Variants in EGR3 observed in about 807,000 individuals in gnomAD.
EGR3 encodes the protein early growth response 3.
In EGR3, 4 loss-of-function variants were observed where a neutral mutation model predicts 22.4. The ratio of observed to expected loss-of-function variants is 0.18; its 90% confidence interval spans 0.09 to 0.41. The LOEUF (loss-of-function observed/expected upper bound fraction) is 0.41. Ranked by LOEUF, EGR3 falls within the 10% of genes least tolerant of loss-of-function variation. The pLI is 1.00. For missense variants in EGR3, 315 were observed against 541.3 expected (o/e 0.58, Z 4.15); for synonymous variants, 219 against 226.8 (o/e 0.97, Z 0.31).
rs774703272 is a variant in EGR3, at chr8:22,691,225, C to T, written c.412G>A (p.Glu138Lys). 6.2e-7 allele frequency: 1 copy of T among 1,614,002 alleles called. No individual in the cohort carries two copies. ...SMVQPPQGDV[E>K]AMYPALPPYS... ...GGGGGTAGCGCGGGATACATGGCCT[C>T]CACGTCACCCTGCGGTGGCTGCACC... Residue 138 changes from glutamate (E) to lysine (K), a missense_variant, in exon 2 of 2, where the codon GAG becomes AAG. By Grantham distance (56) the Glu-to-Lys change is moderately conservative (BLOSUM62 1). Coordinates refer to ENST00000317216, the MANE Select transcript of EGR3 (RefSeq NM_004430.3).
Position 22,692,246 on chromosome 8 carries a change from CG to C in EGR3, c.154+544del. 1 of 1,476,516 alleles carries C rather than the reference CG, an allele frequency of 6.8e-7. No individual in the cohort carries two copies. 91.5% of individuals were successfully genotyped at this position (1,476,516 alleles called of 1,614,324 possible). ...GGGTGAACCCCCTCCTTCTCCCCGC[CG>C]TCCCCACACCCCCACGGCTTTGCTG... is the stretch of plus-strand genomic sequence containing the variant. On this transcript the variant is annotated intron_variant, in intron 1 of 1. Coordinates refer to ENST00000317216, the MANE Select transcript of EGR3 (RefSeq NM_004430.3). This position sits in a 1 kb window ranked among gnomAD's most constrained non-coding sequence, Gnocchi z 6.2.
chr8:22,692,620 C>A lies in EGR3; in HGVS notation c.154+171G>T, dbSNP rs563377390. The A allele has an allele frequency of 3.9e-5, 56 of 1,440,892 alleles. No homozygotes were observed. In the East Asian group the frequency reaches 1.2e-3, roughly 32 times the overall value. 89.3% of individuals were successfully genotyped at this position (1,440,892 alleles called of 1,614,324 possible). A position where few individuals can be genotyped will look rare whatever the true frequency, so the allele number is the denominator to read the frequency against. On this transcript the variant is annotated intron_variant, in intron 1 of 1. Transcript: ENST00000317216. The surrounding 1 kb of genome is among the most constrained non-coding windows in gnomAD (Gnocchi z 6.2). ...TGGGTGGGAAAAGCAACTCGCCCCC[C>A]GCAAAATTCCCAGCGCGCCCCCATC...
chr8:22,692,440 A>G lies in EGR3; in HGVS notation c.154+351T>C. 5 of 1,423,808 alleles carry G rather than the reference A, an allele frequency of 3.5e-6. No individual in the cohort carries two copies. The highest frequency in any genetic ancestry group is 3.7e-6 in the Non-Finnish European group (4 of 1,093,686). The allele number at this position is 1,423,808 out of a possible 1,614,324, so 88.2% of individuals were successfully genotyped here. A position where few individuals can be genotyped will look rare whatever the true frequency, so the allele number is the denominator to read the frequency against. ...GGCGACAGCACCACGCCTTGCGCGT[A>G]GCCCGGCGATCGGGCCCCCTGCGTG... On this transcript the variant is annotated intron_variant, in intron 1 of 1. Transcript: ENST00000317216. This position sits in a 1 kb window ranked among gnomAD's most constrained non-coding sequence, Gnocchi z 6.2.
At position 22,689,380 on chromosome 8, in the gene EGR3, G is replaced by C. The variant is rs2128744547; in HGVS notation, c.*1093C>G. On this transcript the variant is annotated 3_prime_UTR_variant, in exon 2 of 2. Coordinates refer to ENST00000317216, the MANE Select transcript of EGR3 (RefSeq NM_004430.3). Reference sequence around the variant, plus strand: ...TTGGTGATGACAAAGGGCAAAAGCAGAGCCAGCTTCCCCATGATGGTGGGA... The same window carrying C: ...TTGGTGATGACAAAGGGCAAAAGCACAGCCAGCTTCCCCATGATGGTGGGA... 1 of 152,752 alleles carries C rather than the reference G, an allele frequency of 6.5e-6. No homozygotes were observed. Among genetic ancestry groups the C allele is most frequent in the African/African-American group, 2.4e-5 (1 of 41,556 alleles). 9.5% of individuals were successfully genotyped at this position (152,752 alleles called of 1,614,324 possible).
chr8:22,692,536 C>A lies in EGR3; in HGVS notation c.154+255G>T. The A allele has an allele frequency of 1.4e-6, 2 of 1,426,768 alleles. No individual in the cohort carries two copies. Among genetic ancestry groups the A allele is most frequent in the East Asian group, 2.5e-5 (1 of 39,528 alleles). The allele number at this position is 1,426,768 out of a possible 1,614,324, so 88.4% of individuals were successfully genotyped here. On this transcript the variant is annotated intron_variant, in intron 1 of 1. Transcript: ENST00000317216. The surrounding 1 kb of genome is among the most constrained non-coding windows in gnomAD (Gnocchi z 6.2). The stretch of plus-strand genomic sequence containing the variant: ...GGCGGCTGCCCCCACCCGGGAGAAC[C>A]GAAGCCTCTACCGTGGCGTCGCCAA...
Position 22,688,066 on chromosome 8 carries a change from T to A in EGR3, c.*2407A>T, listed in dbSNP as rs1803823024. Reference sequence around the variant, plus strand: ...TATCATTCCCCATAGGTTTTCCTGTTTAAAACCTGATTTTTTTCTCTCAGT... The same window carrying A: ...TATCATTCCCCATAGGTTTTCCTGTATAAAACCTGATTTTTTTCTCTCAGT... On this transcript the variant is annotated 3_prime_UTR_variant, in exon 2 of 2. Transcript: ENST00000317216. 6.6e-6 allele frequency: 1 copy of A among 152,614 alleles called. No homozygotes were observed. Among genetic ancestry groups the A allele is most frequent in the Admixed American group, 6.5e-5 (1 of 15,278 alleles). 9.5% of individuals were successfully genotyped at this position (152,614 alleles called of 1,614,324 possible).
Position 22,691,297 on chromosome 8 carries a change from G to T in EGR3, c.340C>A (p.Pro114Thr). ...GTGCTGAGCGCCCCTGAAGCCGGGG[G>T]CACCCCCAAGATGCCGGCGCTCATG... ...SLMSAGILGVPPASGALSTQT... is the reference protein window; with the variant it reads ...SLMSAGILGVTPASGALSTQT... The change falls in exon 2 of 2, where the codon CCC (proline) becomes ACC (threonine). Residue 114 changes from proline to threonine, a missense_variant. This residue lies in a region of EGR3 where 227 missense variants were observed against 303.6 expected (regional missense o/e 0.75). Coordinates refer to ENST00000317216, the MANE Select transcript of EGR3 (RefSeq NM_004430.3). 1 of 1,613,998 alleles carries T rather than the reference G, an allele frequency of 6.2e-7. No individual in the cohort carries two copies. The highest frequency in any genetic ancestry group is 1.1e-5 in the South Asian group (1 of 91,082).
chr8:22,692,887 G>C lies in EGR3; in HGVS notation c.58C>G (p.Leu20Val). The C allele has an allele frequency of 6.2e-7, 1 of 1,613,228 alleles. No homozygotes were observed. Among genetic ancestry groups the C allele is most frequent in the Non-Finnish European group, 8.5e-7 (1 of 1,179,858 alleles). Residue 20 changes from leucine (L) to valine (V), a missense_variant, in exon 1 of 2, where the codon CTG becomes GTG. Coordinates refer to ENST00000317216, the MANE Select transcript of EGR3 (RefSeq NM_004430.3). The surrounding 1 kb of genome is among the most constrained non-coding windows in gnomAD (Gnocchi z 6.2). Reference sequence around the variant, plus strand: ...TCCTCGGGGTACAGATTGTCAGGCAGTTGGTTTAGCAAACTGCTCATGGTC... The same window carrying C: ...TCCTCGGGGTACAGATTGTCAGGCACTTGGTTTAGCAAACTGCTCATGGTC... The part of the protein sequence containing the change: ...PVTMSSLLNQ[L>V]PDNLYPEEIP...
At position 22,691,495 on chromosome 8, in the gene EGR3, G is replaced by A. The variant is rs747271342; in HGVS notation, c.155-13C>T. The A allele has an allele frequency of 1.2e-5, 19 of 1,609,924 alleles. No homozygotes were observed. Among genetic ancestry groups the A allele is most frequent in the Non-Finnish European group, 1.5e-5 (18 of 1,178,054 alleles). ...TCCATTACATTCTCTGCGGAGAGCGGGGGAGAGAGGGGAGGGGTGAGTGAA... is the reference window on the plus strand; with the variant it reads ...TCCATTACATTCTCTGCGGAGAGCGAGGGAGAGAGGGGAGGGGTGAGTGAA... On this transcript the variant is annotated splice_polypyrimidine_tract_variant and intron_variant, in intron 1 of 1. Transcript: ENST00000317216.
In EGR3 at chr8:22,693,394, G is replaced by A. The variant is rs1230558757; in HGVS notation, c.-450C>T. On this transcript the variant is annotated 5_prime_UTR_variant, in exon 1 of 2. Coordinates refer to ENST00000317216, the MANE Select transcript of EGR3 (RefSeq NM_004430.3). ...CGCCGCCGCCGCCGCCGCCGCCGCC[G>A]CCGCCTCTGCCGCCGCTGCCGCCGC... 2 of 148,370 alleles carry A rather than the reference G, an allele frequency of 1.3e-5. No homozygotes were observed. Among genetic ancestry groups the A allele is most frequent in the Non-Finnish European group, 1.3e-5 (1 of 74,778 alleles). 9.2% of individuals were successfully genotyped at this position (148,370 alleles called of 1,614,324 possible). A position where few individuals can be genotyped will look rare whatever the true frequency, so the allele number is the denominator to read the frequency against.
In EGR3 at chr8:22,687,841, A is replaced by G. The variant is rs988171883; in HGVS notation, c.*2632T>C. On this transcript the variant is annotated 3_prime_UTR_variant, in exon 2 of 2. Transcript: ENST00000317216. This position sits in a 1 kb window ranked among gnomAD's most constrained non-coding sequence, Gnocchi z 4.7. Reference sequence around the variant, plus strand: ...TAAAAATGCTGTTTTCATTAACTATATTATATTGGCATTACAATATGACAA... The same window carrying G: ...TAAAAATGCTGTTTTCATTAACTATGTTATATTGGCATTACAATATGACAA... 6.5e-6 allele frequency: 1 copy of G among 152,694 alleles called. No homozygotes were observed. The highest frequency in any genetic ancestry group is 1.5e-5 in the Non-Finnish European group (1 of 68,056). 9.5% of individuals were successfully genotyped at this position (152,694 alleles called of 1,614,324 possible). A position where few individuals can be genotyped will look rare whatever the true frequency, so the allele number is the denominator to read the frequency against.
rs1803859201 is a variant in EGR3 at position 22,689,120 on chromosome 8, T to C, written c.*1353A>G. Reference sequence around the variant, plus strand: ...CGTATGTAGATATAATCTCATCAGTTAACATTTTCATAAAAAATAAATCAT... The same window carrying C: ...CGTATGTAGATATAATCTCATCAGTCAACATTTTCATAAAAAATAAATCAT... On this transcript the variant is annotated 3_prime_UTR_variant, in exon 2 of 2. Coordinates refer to ENST00000317216, the MANE Select transcript of EGR3 (RefSeq NM_004430.3). 6.5e-6 allele frequency: 1 copy of C among 152,688 alleles called. No homozygotes were observed. The highest frequency in any genetic ancestry group is 2.1e-4 in the South Asian group (1 of 4,838). 9.5% of individuals were successfully genotyped at this position (152,688 alleles called of 1,614,324 possible). A position where few individuals can be genotyped will look rare whatever the true frequency, so the allele number is the denominator to read the frequency against.
Position 22,692,133 on chromosome 8 carries a change from AC to A in EGR3, c.155-652del, listed in dbSNP as rs1355567941. On this transcript the variant is annotated intron_variant, in intron 1 of 1. Transcript: ENST00000317216. This position sits in a 1 kb window ranked among gnomAD's most constrained non-coding sequence, Gnocchi z 6.2. ...TAGGGAGGGTGGAGAGCGGCGGAAA[AC>A]CGGCCGGTGTCTCCATGGCGGGAGA... 4.4e-6 allele frequency: 6 copies of A among 1,365,104 alleles called. No homozygotes were observed. Among genetic ancestry groups the A allele is most frequent in the Non-Finnish European group, 5.6e-6 (6 of 1,063,492 alleles). 84.6% of individuals were successfully genotyped at this position (1,365,104 alleles called of 1,614,324 possible). A position where few individuals can be genotyped will look rare whatever the true frequency, so the allele number is the denominator to read the frequency against.
chr8:22,691,433 G>A lies in EGR3; in HGVS notation c.204C>T (p.Leu68=). The A allele has an allele frequency of 6.2e-7, 1 of 1,614,190 alleles. No homozygotes were observed. The highest frequency in any genetic ancestry group is 2.2e-5 in the East Asian group (1 of 44,874). The change falls in exon 2 of 2, where the codon CTC becomes CTT. Residue 68 remains leucine (L), a synonymous_variant. Coordinates refer to ENST00000317216, the MANE Select transcript of EGR3 (RefSeq NM_004430.3). The part of the protein sequence containing the change: ...GLTNEKPNPE[L]SYSGSFQPAP... Reference sequence around the variant, plus strand: ...CTGGCTGGAAGGAGCCGGAGTAAGAGAGTTCCGGGTTGGGCTTCTCGTTGG... The same window carrying A: ...CTGGCTGGAAGGAGCCGGAGTAAGAAAGTTCCGGGTTGGGCTTCTCGTTGG...
rs955025085 is a variant in EGR3 at position 22,693,367 on chromosome 8, ACCGCCGCCGCCG to A, written c.-435_-424del. The A allele has an allele frequency of 3.7e-4, 18 of 48,676 alleles. No individual in the cohort carries two copies. Among genetic ancestry groups the A allele is most frequent in the East Asian group, 2.4e-3 (4 of 1,686 alleles). The allele number at this position is 48,676 out of a possible 1,614,324, so 3.0% of individuals were successfully genotyped here. On this transcript the variant is annotated 5_prime_UTR_variant, in exon 1 of 2. Transcript: ENST00000317216. Reference sequence around the variant, plus strand: ...ATCTGCCACCGCCACCGCCACCGCCACCGCCGCCGCCGCCGCCGCCGCCGCCGCCGCCTCTGC... The same window carrying A: ...ATCTGCCACCGCCACCGCCACCGCCACCGCCGCCGCCGCCGCCGCCTCTGC...
chr8:22,691,561 A>C (rs1193122975), intron 1 of EGR3, 79 bp from the exon 2 acceptor site: 9 of 1,548,202 alleles, frequency 5.8e-6, no homozygotes, highest in Non-Finnish European at 7.0e-6. Context: ...GTCCTTGCCC[A>C]GGTGCGGAGG....
rs1803845380 is a variant in EGR3 at position 22,688,722 on chromosome 8, A to G, written c.*1751T>C. ...TGGGCAACTTACTGACCACAGGAGA[A>G]GTAACGCTAACAGGAACAGTACATT... On this transcript the variant is annotated 3_prime_UTR_variant, in exon 2 of 2. Coordinates refer to ENST00000317216, the MANE Select transcript of EGR3 (RefSeq NM_004430.3). 1 of 152,668 alleles carries G rather than the reference A, an allele frequency of 6.6e-6. No homozygotes were observed. Among genetic ancestry groups the G allele is most frequent in the African/African-American group, 2.4e-5 (1 of 41,454 alleles). 9.5% of individuals were successfully genotyped at this position (152,668 alleles called of 1,614,324 possible). A position where few individuals can be genotyped will look rare whatever the true frequency, so the allele number is the denominator to read the frequency against.
At position 22,690,672 on chromosome 8, in the gene EGR3, G is replaced by C; in HGVS notation, c.965C>G (p.Thr322Ser). The change falls in exon 2 of 2, where the codon ACT becomes AGT. Residue 322 changes from threonine to serine, a missense_variant. Physicochemically the swap from Thr to Ser is moderately conservative, Grantham distance 58. Coordinates refer to ENST00000317216, the MANE Select transcript of EGR3 (RefSeq NM_004430.3). The part of the protein sequence containing the change: ...RSFSRSDHLT[T>S]HIRTHTGEKP... ...CTCGCCCGTATGAGTGCGGATGTGAGTGGTGAGGTGGTCGCTGCGGCTGAA... is the reference window on the plus strand; with the variant it reads ...CTCGCCCGTATGAGTGCGGATGTGACTGGTGAGGTGGTCGCTGCGGCTGAA... 6.2e-7 allele frequency: 1 copy of C among 1,614,082 alleles called. No individual in the cohort carries two copies. Among genetic ancestry groups the C allele is most frequent in the Non-Finnish European group, 8.5e-7 (1 of 1,179,922 alleles).
At chr8:22,691,596 G>C in intron 1 of EGR3, 114 bp from the exon 2 acceptor site, 1 of 1,482,948 alleles carries the variant, frequency 6.7e-7, no homozygotes, top group Non-Finnish European at 9.0e-7. Flanking sequence ...AGTGCGTAGC[G>C]CATGGGGTAA....
Sources: allele counts gnomAD v4.1 joint callset, GRCh38; gene constraint gnomAD v4.1.1; regional missense constraint gnomAD v4.1.1; non-coding constraint Gnocchi (gnomAD v3.1); transcripts MANE v1.5; gene names NCBI Gene and HGNC (gene_info 2026-07-23, HGNC 2026-07-21).